Variants in EMB observed in about 807,000 individuals in gnomAD.
The protein encoded by EMB is embigin.
In EMB, 31 loss-of-function variants were observed where a neutral mutation model predicts 41.4. The ratio of observed to expected loss-of-function variants is 0.75; its 90% CI spans 0.56 to 1.01. The LOEUF (loss-of-function observed/expected upper bound fraction) is 1.01. EMB is among the 50% of genes least tolerant of loss of function. EMB has a pLI of 0.00. For missense variants in EMB, 379 were observed against 388.3 expected, an observed-to-expected ratio of 0.98 and a Z score of 0.20; for synonymous variants, 137 against 140.4, an observed-to-expected ratio of 0.98 and a Z score of 0.17.
At chr5:50,433,032 C>T (rs377745766) in intron 1 of EMB, among the ~76,000 whole-genome samples, 4 of 151,862 alleles carry the variant, frequency 2.6e-5, no homozygotes, top group South Asian at 2.1e-4. Context: ...GAGCTGAGAT[C>T]GCATCACTGC....
At chr5:50,417,863 A>G (rs928627310) in intron 2 of EMB, among the ~76,000 whole-genome samples, 1 of 152,186 alleles carries the variant, frequency 6.6e-6, no homozygotes, top group African/African-American at 2.4e-5. Context: ...TTCATCAAAG[A>G]TTTGGCAATA....
In EMB at chr5:50,418,939, C is replaced by T. The variant is rs947021850; in HGVS notation, c.197-7556G>A. 9.9e-5 allele frequency among the ~76,000 whole-genome samples: 15 copies of T among 152,254 alleles called. 1 individual carries two copies. Among genetic ancestry groups the T allele is most frequent in the African/African-American group, 3.6e-4 (15 of 41,472 alleles). On this transcript the variant is annotated intron_variant, in intron 2 of 8. Transcript: ENST00000303221. ...ACACTAGATACTTCATCTATGCACT[C>T]CTTCCATTTTATTAAAATTACATAG... is the stretch of plus-strand genomic sequence containing the variant.
rs553493384 is a variant in EMB at position 50,416,846 on chromosome 5, G to C, written c.197-5463C>G. ...TTTACCATTGCCATGGCTACACCCA[G>C]AAGTTACCATCCCTTTCCATGGCAA... On this transcript the variant is annotated intron_variant, in intron 2 of 8. Transcript: ENST00000303221. 2.6e-5 allele frequency among the ~76,000 whole-genome samples: 4 copies of C among 152,280 alleles called. No homozygotes were observed. In the South Asian group the frequency reaches 8.3e-4, roughly 32 times the overall value.
At chr5:50,437,837 T>C (rs529071179) in intron 1 of EMB, among the ~76,000 whole-genome samples, 3 of 152,336 alleles carry the variant, frequency 2.0e-5, no homozygotes, top group Non-Finnish European at 4.4e-5. Context: ...ATGATTCTAC[T>C]GCAAACATTT....
intron 2 of EMB, among the ~76,000 whole-genome samples, chr5:50,420,462 C>T (rs1357969265): frequency 1.8e-4 from 27 of 152,160 alleles, no homozygotes; most frequent in Admixed American, 1.5e-3. Flanking sequence ...TGTACACACC[C>T]CAAGTGACTG....
At chr5:50,442,023 G>A (rs748775016), upstream of EMB, among the ~76,000 whole-genome samples, 2 of 152,114 alleles carry the variant, frequency 1.3e-5, no homozygotes, top group Non-Finnish European at 2.9e-5. Flanking sequence ...ATAAATTAGT[G>A]CTTTATCCGG....
intron 1 of EMB, among the ~76,000 whole-genome samples, chr5:50,431,879 T>C (rs2111857604): frequency 6.6e-6 from 1 of 152,344 alleles, no homozygotes; most frequent in Non-Finnish European, 1.5e-5. Context: ...GTGAGTAACA[T>C]CTTAATTTTC....
At chr5:50,432,405 A>C in intron 1 of EMB, among the ~76,000 whole-genome samples, 1 of 152,188 alleles carries the variant, frequency 6.6e-6, no homozygotes, top group East Asian at 1.9e-4. Flanking sequence ...ACCCAATTAC[A>C]GAAACACTGA....
At chr5:50,428,572 T>C in intron 1 of EMB, 3 of 993,372 alleles carry the variant, frequency 3.0e-6, no homozygotes, top group Non-Finnish European at 3.6e-6. Flanking sequence ...AGCCAGAAAA[T>C]GGAAAGATAT....
At chr5:50,428,276 ACTAT>A (rs760745296) in intron 1 of EMB, 49 bp from the exon 2 acceptor site, 10 of 1,447,972 alleles carry the variant, frequency 6.9e-6, no homozygotes, top group African/African-American at 5.7e-5. Flanking sequence ...AGAGTAAATG[ACTAT>A]CTAAAAACTA....
rs1349669523 is a variant in EMB, at chr5:50,411,340, C to T, written c.240G>A (p.Arg80=). The change falls in exon 3 of 9, where the codon AGG becomes AGA. Residue 80 remains arginine (R), a synonymous_variant. Coordinates refer to ENST00000303221, the MANE Select transcript of EMB (RefSeq NM_198449.3). ...MPVEKNITLE[R]PSNVNLTCQF... ...GGCATGTGAGATTTACATTAGAAGGCCTTTCTAAAGTGATATTTTTTTCTA... is the reference window on the plus strand; with the variant it reads ...GGCATGTGAGATTTACATTAGAAGGTCTTTCTAAAGTGATATTTTTTTCTA... The T allele has an allele frequency of 6.2e-7, 1 of 1,610,608 alleles. No individual in the cohort carries two copies. Among genetic ancestry groups the T allele is most frequent in the East Asian group, 2.2e-5 (1 of 44,736 alleles).
chr5:50,433,373 C>A (rs13154421), intron 1 of EMB, among the ~76,000 whole-genome samples: 1 of 151,972 alleles, frequency 6.6e-6, no homozygotes, highest in Admixed American at 6.6e-5. Context: ...CAATAATATA[C>A]GTTTCAAAGG....
chr5:50,430,853 C>T (rs1251381369), intron 1 of EMB, among the ~76,000 whole-genome samples: 1 of 152,052 alleles, frequency 6.6e-6, no homozygotes, highest in Non-Finnish European at 1.5e-5. Context: ...ATCACTAGGA[C>T]TTGTCATGGA....
At chr5:50,437,829 G>A (rs1284145001) in intron 1 of EMB, among the ~76,000 whole-genome samples, 3 of 152,128 alleles carry the variant, frequency 2.0e-5, no homozygotes, top group Admixed American at 1.3e-4. Context: ...CATTTTAAAT[G>A]ATTCTACTGC....
intron 2 of EMB, among the ~76,000 whole-genome samples, chr5:50,427,807 C>A (rs991063065): frequency 6.6e-6 from 1 of 152,308 alleles, no homozygotes; most frequent in East Asian, 1.9e-4. Flanking sequence ...TACACAAATT[C>A]TCTTCTTGAC....
chr5:50,409,465 A>C (rs1000646857), intron 4 of EMB, among the ~76,000 whole-genome samples: 1 of 152,114 alleles, frequency 6.6e-6, no homozygotes, highest in African/African-American at 2.4e-5. Flanking sequence ...TTTCCTCAGA[A>C]TCTGTAGGCC....
At chr5:50,421,645 C>T (rs1303039879) in intron 2 of EMB, among the ~76,000 whole-genome samples, 2 of 151,678 alleles carry the variant, frequency 1.3e-5, no homozygotes, top group African/African-American at 2.4e-5. Flanking sequence ...AGAACCAACC[C>T]AAATGTCCAA....
rs1363043862 is a variant in EMB, at chr5:50,397,521, T to C, written c.*1752A>G. Reference sequence around the variant, plus strand: ...GGAAGAATGCATACTGCAGATGGGTTACACATTTGTTTGTGTTCTATATTC... The same window carrying C: ...GGAAGAATGCATACTGCAGATGGGTCACACATTTGTTTGTGTTCTATATTC... On this transcript the variant is annotated 3_prime_UTR_variant, in exon 9 of 9. Coordinates refer to ENST00000303221, the MANE Select transcript of EMB (RefSeq NM_198449.3). 1 of 152,142 alleles carries C rather than the reference T, an allele frequency of 6.6e-6. No homozygotes were observed. The allele number at this position is 152,142 out of a possible 1,614,324, so 9.4% of individuals were successfully genotyped here.
chr5:50,402,858 C>A (rs1321197953), intron 6 of EMB, among the ~76,000 whole-genome samples: 3 of 108,186 alleles, frequency 2.8e-5, no homozygotes, highest in African/African-American at 3.6e-5. Flanking sequence ...CTAATTGGTA[C>A]TTAGGTACCA....
Sources: allele counts gnomAD v4.1 joint callset (sites outside exome capture counted in the v4.1 genomes callset), GRCh38; gene constraint gnomAD v4.1.1; transcripts MANE v1.5; gene names NCBI Gene and HGNC (gene_info 2026-07-23, HGNC 2026-07-21).